Variants in APOH observed in about 807,000 individuals in gnomAD.
APOH encodes the protein apolipoprotein H.
In APOH, 48 loss-of-function variants were observed where a neutral mutation model predicts 39.8. The observed-to-expected ratio is 1.21, with a 90% CI of 0.96 to 1.54. APOH has a LOEUF of 1.54. APOH is among the 40% of genes most tolerant of loss of function. The pLI is 0.00. For missense variants in APOH, 415 were observed against 421.2 expected (o/e 0.99, Z 0.13); for synonymous variants, 153 against 151.1 (o/e 1.01, Z -0.09).
At chr17:66,217,285 G>C (rs940688015) in intron 5 of APOH, among the ~76,000 whole-genome samples, 3 of 150,170 alleles carry the variant, frequency 2.0e-5, no homozygotes, top group Non-Finnish European at 4.4e-5. Flanking sequence ...TGGTGGGTTT[G>C]AAAGAAGAAA....
intron 3 of APOH, among the ~76,000 whole-genome samples, 196 bp downstream of exon 3, chr17:66,225,832 G>A (rs558958973): frequency 6.0e-5 from 9 of 150,932 alleles, no homozygotes; most frequent in African/African-American, 2.2e-4. Flanking sequence ...AGCCGAGACT[G>A]CACCACTGCG....
At chr17:66,222,300 C>T (rs538710841) in intron 4 of APOH, among the ~76,000 whole-genome samples, 1 of 152,126 alleles carries the variant, frequency 6.6e-6, no homozygotes, top group East Asian at 1.9e-4. Flanking sequence ...GAGAGGATCA[C>T]TTGGCCCCAG....
chr17:66,218,152 A>C (rs8178854), intron 5 of APOH, among the ~76,000 whole-genome samples: 1 of 151,960 alleles, frequency 6.6e-6, no homozygotes, highest in Non-Finnish European at 1.5e-5. Flanking sequence ...GTGGATATTC[A>C]CATGGTTTCA....
rs71160544 is a variant in APOH, at chr17:66,224,691, GGGAAA to G, written c.339-922_339-918del. On this transcript the variant is annotated intron_variant, in intron 3 of 7. Transcript: ENST00000205948. ...GGGAAGGGAAGGGAAGGGAAGGGAA[GGGAAA>G]GGAAAGGAAAGGAAAGGAAAGGAAA... 1.5e-3 allele frequency among the ~76,000 whole-genome samples: 48 copies of G among 32,862 alleles called. 2 individuals carry two copies. Among genetic ancestry groups the G allele is most frequent in the African/African-American group, 2.3e-3 (24 of 10,460 alleles). The allele number at this position is 32,862 out of a possible 152,430, so 21.6% of individuals were successfully genotyped here. A position where few individuals can be genotyped will look rare whatever the true frequency, so the allele number is the denominator to read the frequency against.
At chr17:66,221,259 G>A (rs529438558) in intron 4 of APOH, among the ~76,000 whole-genome samples, 2,253 of 108,944 alleles carry the variant, frequency 0.021, 37 homozygotes, top group Non-Finnish European at 0.03. Context: ...AAGAGAGAGA[G>A]AGAAAGAAAG....
chr17:66,228,262 C>A, intron 1 of APOH, 66 bp from the exon 2 acceptor site: 2 of 1,536,834 alleles, frequency 1.3e-6, no homozygotes, highest in Admixed American at 1.9e-5. Flanking sequence ...CAGCTAAGCC[C>A]ACAAATGAAA....
rs756122937 is a variant in APOH at position 66,226,020 on chromosome 17, G to C, written c.338+8C>G. ...CTGTTAACTGCTTAGTTCCATGAAA[G>C]TTCTTACCCAGTGTTACAAGAAAAA... On this transcript the variant is annotated splice_region_variant and intron_variant, in intron 3 of 7. Transcript: ENST00000205948. 1 of 1,601,976 alleles carries C rather than the reference G, an allele frequency of 6.2e-7. No individual in the cohort carries two copies. The highest frequency in any genetic ancestry group is 8.5e-7 in the Non-Finnish European group (1 of 1,170,324).
chr17:66,220,504 A>T (rs763987078), intron 5 of APOH, 50 bp downstream of exon 5: 2 of 1,563,502 alleles, frequency 1.3e-6, no homozygotes, highest in Non-Finnish European at 1.8e-6. Context: ...TACCTTTCAC[A>T]AATGGGATCT....
chr17:66,216,808 G>A lies in APOH; in HGVS notation c.764C>T (p.Ser255Phe), dbSNP rs748958782. 1.9e-6 allele frequency: 3 copies of A among 1,604,706 alleles called. No homozygotes were observed. The highest frequency in any genetic ancestry group is 2.2e-5 in the East Asian group (1 of 44,466). The change falls in exon 6 of 8, where the codon TCT becomes TTT. Residue 255 changes from serine to phenylalanine, a missense_variant. Around this residue, in one of 3 missense-constraint regions of APOH, gnomAD observed 120 missense variants for 110.6 expected, o/e 1.08. Transcript: ENST00000205948. ...CATACCTTTACAACTTGGCATGGCA[G>A]ACCAGTTTCCCAGTTTGGTACATTC... is the stretch of plus-strand genomic sequence containing the variant. ...EIECTKLGNW[S>F]AMPSCKASCK...
At chr17:66,224,725 A>T (rs2073427968) in intron 3 of APOH, among the ~76,000 whole-genome samples, 1 of 136,926 alleles carries the variant, frequency 7.3e-6, no homozygotes, top group African/African-American at 2.8e-5. Context: ...AAGGAAAGGA[A>T]AGGAAAGGAA....
At chr17:66,224,805 A>G (rs1437456205) in intron 3 of APOH, among the ~76,000 whole-genome samples, 1 of 151,834 alleles carries the variant, frequency 6.6e-6, no homozygotes, top group Non-Finnish European at 1.5e-5. Context: ...ATGGTGGCTC[A>G]CACCTGTAAT....
chr17:66,214,541 G>C lies in APOH; in HGVS notation c.894C>G (p.Phe298Leu). 1.2e-6 allele frequency: 2 copies of C among 1,614,022 alleles called. No individual in the cohort carries two copies. The highest frequency in any genetic ancestry group is 1.7e-6 in the Non-Finnish European group (2 of 1,179,960). The change falls in exon 7 of 8, where the codon TTC (phenylalanine) becomes TTG (leucine). Residue 298 changes from phenylalanine to leucine, a missense_variant. Coordinates refer to ENST00000205948, the MANE Select transcript of APOH (RefSeq NM_000042.3). ...ACTTCTTTTCCTTATTTTTGCAGAA[G>C]AAAGAAACTTTATCACCATGTAGCA... The part of the protein sequence containing the change: ...NGMLHGDKVS[F>L]FCKNKEKKCS...
chr17:66,225,679 C>T (rs1398102281), intron 3 of APOH, among the ~76,000 whole-genome samples: 1 of 152,126 alleles, frequency 6.6e-6, no homozygotes, highest in Admixed American at 6.5e-5. Flanking sequence ...GCTACAAGAC[C>T]ATCCTGGCTA....
intron 2 of APOH, among the ~76,000 whole-genome samples, chr17:66,226,897 T>TTATTTA (rs561612351): frequency 1.4e-5 from 1 of 70,780 alleles, no homozygotes; most frequent in African/African-American, 6.8e-5. Context: ...ATTTATTTAT[T>TTATTTA]TTTTTTTTTG....
intron 5 of APOH, 32 bp downstream of exon 5, chr17:66,220,522 C>T (rs765087739): frequency 6.3e-7 from 1 of 1,598,608 alleles, no homozygotes; most frequent in Admixed American, 1.7e-5. Context: ...TCTTGCCCTA[C>T]CATGCGTATT....
rs1483624277 is a variant in APOH at position 66,228,025 on chromosome 17, C to G, written c.236G>C (p.Cys79Ser). The G allele has an allele frequency of 6.2e-7, 1 of 1,612,980 alleles. No individual in the cohort carries two copies. ...GAGAGAAGGTACTGACTTACGTGTA[C>G]ATTTCAGAGTGTTGATGGGCCACAG... ...TGLWPINTLK[C>S]TPRVCPFAGI... is the part of the protein sequence containing the mutation. The change falls in exon 2 of 8, where the codon TGT becomes TCT. Residue 79 changes from cysteine to serine, a missense_variant. Coordinates refer to ENST00000205948, the MANE Select transcript of APOH (RefSeq NM_000042.3).
In APOH at chr17:66,216,918, A is replaced by T; in HGVS notation, c.654T>A (p.Tyr218Ter). Residue 218 changes from tyrosine (Y) to a stop codon, truncating the protein, a stop_gained, in exon 6 of 8, where the codon TAT becomes TAA. Coordinates refer to ENST00000205948, the MANE Select transcript of APOH (RefSeq NM_000042.3). LOFTEE classifies it high-confidence loss of function. ...TGTAATAAAGTGTTGGTTTTGCAGG[A>T]TAGTTCACAAATCCATTGTCTGGTC... ...PSRPDNGFVN[Y>*]PAKPTLYYKD... 1 of 1,611,870 alleles carries T rather than the reference A, an allele frequency of 6.2e-7. No homozygotes were observed. Among genetic ancestry groups the T allele is most frequent in the Non-Finnish European group, 8.5e-7 (1 of 1,179,218 alleles).
chr17:66,217,355 C>T (rs919201689), intron 5 of APOH, among the ~76,000 whole-genome samples: 1 of 137,948 alleles, frequency 7.2e-6, no homozygotes, highest in African/African-American at 2.7e-5. Context: ...CCCCCCCCCC[C>T]ATTCACACTT....
intron 7 of APOH, among the ~76,000 whole-genome samples, chr17:66,212,764 A>T (rs924428180): frequency 6.6e-6 from 1 of 152,230 alleles, no homozygotes; most frequent in Admixed American, 6.5e-5. Flanking sequence ...AGGGGAAAAA[A>T]CAGTATCGGC....
Sources: gnomAD v4.1 joint callset for allele counts (sites outside exome capture counted in the v4.1 genomes callset) on GRCh38, gnomAD v4.1.1 for gene constraint, gnomAD v4.1.1 regional missense constraint, MANE v1.5 for transcripts, NCBI Gene and HGNC (gene_info 2026-07-23, HGNC 2026-07-21) for gene names.